TANGO6: variants seen among roughly 807,000 people sequenced by gnomAD.
The protein encoded by TANGO6 is transport and golgi organization 6 homolog.
TANGO6 carries 90 observed loss-of-function variants against 114.2 expected under a neutral mutation model. The ratio of observed to expected loss-of-function variants is 0.79; its 90% CI spans 0.66 to 0.94. The LOEUF is 0.94. Ranked by LOEUF, TANGO6 falls within the 40% of genes least tolerant of loss-of-function variation. The pLI, the probability that TANGO6 is intolerant of heterozygous loss-of-function variation, is 0.00. For synonymous variants in TANGO6, 477 were observed against 509.8 expected, an observed-to-expected ratio of 0.94 and a Z score of 0.87; for missense variants, 1,274 against 1,315.3, an observed-to-expected ratio of 0.97 and a Z score of 0.49.
At chr16:69,016,665 T>G (rs1314600043) in intron 15 of TANGO6, among the ~76,000 whole-genome samples, 7 of 152,042 alleles carry the variant, frequency 4.6e-5, no homozygotes, top group Non-Finnish European at 1.0e-4. Context: ...GTATTTTATT[T>G]TATTTATTAT....
intron 4 of TANGO6, among the ~76,000 whole-genome samples, chr16:68,871,704 C>T (rs143713330): frequency 0.053 from 8,046 of 152,224 alleles, 295 homozygotes; most frequent in Non-Finnish European, 0.083. Context: ...ACTGCAACTT[C>T]TGCCTCCCAG....
intron 15 of TANGO6, among the ~76,000 whole-genome samples, chr16:68,991,020 A>G (rs1333733106): frequency 6.6e-6 from 1 of 152,202 alleles, no homozygotes; most frequent in South Asian, 2.1e-4. Flanking sequence ...TGATAAAGAC[A>G]GAAAAAAGAT....
At chr16:68,916,646 G>A (rs1261852237) in intron 11 of TANGO6, among the ~76,000 whole-genome samples, 2 of 152,106 alleles carry the variant, frequency 1.3e-5, no homozygotes, top group South Asian at 2.1e-4. Context: ...TCAAAATGTC[G>A]GGAGTGAGTC....
intron 15 of TANGO6, among the ~76,000 whole-genome samples, chr16:68,974,999 A>G (rs999645982): frequency 6.6e-6 from 1 of 151,628 alleles, no homozygotes. Context: ...TCGAGGCTGC[A>G]GTGAGCAATG....
chr16:69,050,647 G>A (rs1959934871), intron 17 of TANGO6, among the ~76,000 whole-genome samples: 1 of 152,018 alleles, frequency 6.6e-6, no homozygotes, highest in Non-Finnish European at 1.5e-5. Flanking sequence ...GTACCACCAT[G>A]CCCGGCTAAT....
At chr16:69,002,901 G>T (rs1217216372) in intron 15 of TANGO6, among the ~76,000 whole-genome samples, 4 of 151,882 alleles carry the variant, frequency 2.6e-5, no homozygotes, top group African/African-American at 7.3e-5. Context: ...AATTAGTTGG[G>T]TCTGGTGGCA....
chr16:68,894,002 G>T (rs1217980321), intron 7 of TANGO6, among the ~76,000 whole-genome samples: 2 of 152,176 alleles, frequency 1.3e-5, no homozygotes, highest in Non-Finnish European at 2.9e-5. Context: ...CTTGTCTGTT[G>T]TGCCTTCGCT....
intron 16 of TANGO6, among the ~76,000 whole-genome samples, chr16:69,038,195 G>A (rs1959720317): frequency 2.0e-5 from 3 of 152,236 alleles, no homozygotes; most frequent in South Asian, 2.1e-4. Flanking sequence ...TTGGGAGGCC[G>A]AGGCAGGCAG....
chr16:68,916,817 C>T (rs760922954), intron 11 of TANGO6, among the ~76,000 whole-genome samples: 15 of 152,084 alleles, frequency 9.9e-5, no homozygotes, highest in Non-Finnish European at 1.8e-4. Context: ...ATTTCCCTTA[C>T]ACTCCCTGCA....
At chr16:68,970,422 C>T (rs921427051) in intron 14 of TANGO6, among the ~76,000 whole-genome samples, 9 of 152,128 alleles carry the variant, frequency 5.9e-5, no homozygotes, top group African/African-American at 1.7e-4. Context: ...AATCCCAGCA[C>T]TTTGGGAGGC....
chr16:68,857,422 C>T (rs75798726), intron 1 of TANGO6, among the ~76,000 whole-genome samples: 22,161 of 150,996 alleles, frequency 0.15, 1,539 homozygotes, highest in Admixed American at 0.16. Context: ...AAAATCCTTT[C>T]ACCTTTTGAA....
At chr16:69,069,165 C>T (rs1960261848) in intron 17 of TANGO6, among the ~76,000 whole-genome samples, 1 of 152,166 alleles carries the variant, frequency 6.6e-6, no homozygotes, top group Non-Finnish European at 1.5e-5. Flanking sequence ...CTCTAGGGTC[C>T]ACTTCACTCA....
intron 1 of TANGO6, among the ~76,000 whole-genome samples, chr16:68,854,204 A>T (rs1374247003): frequency 6.6e-6 from 1 of 152,210 alleles, no homozygotes; most frequent in East Asian, 1.9e-4. Flanking sequence ...CTATAATCCC[A>T]GCACTTTAAG....
At chr16:68,890,465 G>T (rs1231296832) in intron 7 of TANGO6, among the ~76,000 whole-genome samples, 1 of 152,208 alleles carries the variant, frequency 6.6e-6, no homozygotes, top group Non-Finnish European at 1.5e-5. Context: ...CAGTCACAAA[G>T]GTGACAGAAA....
At chr16:69,070,632 C>CAA (rs576612652) in intron 17 of TANGO6, among the ~76,000 whole-genome samples, 8,816 of 86,896 alleles carry the variant, frequency 0.1, 457 homozygotes, top group Non-Finnish European at 0.14. Context: ...GACTCCATCT[C>CAA]AAAAAAAAAA....
chr16:69,021,262 TG>T (rs1959400707), intron 15 of TANGO6, among the ~76,000 whole-genome samples: 1 of 152,124 alleles, frequency 6.6e-6, no homozygotes, highest in Admixed American at 6.6e-5. Context: ...TTCTCAGACA[TG>T]CCAGGCGTGC....
intron 15 of TANGO6, among the ~76,000 whole-genome samples, chr16:69,012,580 G>GA (rs745623750): frequency 1.7e-3 from 179 of 108,384 alleles, no homozygotes; most frequent in South Asian, 3.7e-3. Context: ...AAAAAAAAAG[G>GA]AAAAAAAAAA....
At chr16:68,936,879 A>G (rs908712716) in intron 14 of TANGO6, among the ~76,000 whole-genome samples, 3 of 152,176 alleles carry the variant, frequency 2.0e-5, no homozygotes, top group South Asian at 2.1e-4. Context: ...TGTAGAGTGA[A>G]GAGATCTAGC....
At chr16:68,967,393 T>C (rs1429848757) in intron 14 of TANGO6, among the ~76,000 whole-genome samples, 1 of 152,158 alleles carries the variant, frequency 6.6e-6, no homozygotes, top group Admixed American at 6.5e-5. Flanking sequence ...CAGGCAATAA[T>C]GCTCCCTTGC....
Sources: gnomAD v4.1 joint callset for allele counts (sites outside exome capture counted in the v4.1 genomes callset) on GRCh38, gnomAD v4.1.1 for gene constraint, MANE v1.5 for transcripts, NCBI Gene and HGNC (gene_info 2026-07-23, HGNC 2026-07-21) for gene names.